The following KRT85 variants were observed in gnomAD, a reference collection of about 807,000 sequenced individuals.
KRT85 encodes the protein keratin 85.
A neutral mutation model predicts 53.7 loss-of-function variants in KRT85; 39 were observed. The ratio of observed to expected loss-of-function variants is 0.73; its 90% CI spans 0.56 to 0.95. The LOEUF is 0.95. Ranked by LOEUF, KRT85 falls within the 40% of genes least tolerant of loss-of-function variation. The pLI is 0.00. For missense variants in KRT85, 668 were observed against 686.0 expected (o/e 0.97, Z 0.29); for synonymous variants, 291 against 277.5 (o/e 1.05, Z -0.48).
At chr12:52,364,273 C>A (rs1455831633) in intron 3 of KRT85, 33 bp downstream of exon 3, 1 of 1,613,850 alleles carries the variant, frequency 6.2e-7, no homozygotes, top group Non-Finnish European at 8.5e-7. Flanking sequence ...ACTGATGGGC[C>A]CCCTCCTCCT....
chr12:52,360,709 G>T lies in KRT85; in HGVS notation c.*144C>A. The T allele has an allele frequency of 2.1e-6, 2 of 940,528 alleles. No homozygotes were observed. The highest frequency in any genetic ancestry group is 1.6e-5 in the African/African-American group (1 of 62,064). 58.3% of individuals were successfully genotyped at this position (940,528 alleles called of 1,614,324 possible). On this transcript the variant is annotated 3_prime_UTR_variant, in exon 9 of 9. Coordinates refer to ENST00000257901, the MANE Select transcript of KRT85 (RefSeq NM_002283.4). ...AAAAGGCGCAGGGGAGCGGCCCGAGGGTCTTTCCCTCTGTAGGTCTTTCCC... is the reference window on the plus strand; with the variant it reads ...AAAAGGCGCAGGGGAGCGGCCCGAGTGTCTTTCCCTCTGTAGGTCTTTCCC...
rs762002043 is a variant in KRT85, at chr12:52,362,421, C to T, written c.1128G>A (p.Ala376=). The T allele has an allele frequency of 2.9e-5, 47 of 1,614,006 alleles. No individual in the cohort carries two copies. The Middle Eastern group carries it at 4.9e-4, about 17-fold the overall frequency. The change falls in exon 7 of 9, where the codon GCG becomes GCA. Residue 376 remains alanine, a synonymous_variant. Coordinates refer to ENST00000257901, the MANE Select transcript of KRT85 (RefSeq NM_002283.4). ...GCTTGCAGCGGGCATCGCTGAGGGC[C>T]GCCTCACCCTGCTGCTCTGCCTCAG... The part of the protein sequence containing the change: ...AVAEAEQQGE[A]ALSDARCKLA...
chr12:52,366,699 C>T (rs1207564379), intron 1 of KRT85, among the ~76,000 whole-genome samples: 5 of 152,052 alleles, frequency 3.3e-5, no homozygotes, highest in Admixed American at 3.3e-4. Context: ...ATACACACCA[C>T]ACACTAACAT....
intron 6 of KRT85, 64 bp downstream of exon 6, chr12:52,362,790 C>G (rs149458468): frequency 6.2e-7 from 1 of 1,613,442 alleles, no homozygotes; most frequent in Non-Finnish European, 8.5e-7. Flanking sequence ...CACTGTGAAG[C>G]CTGATTAGGG....
intron 7 of KRT85, 60 bp downstream of exon 7, chr12:52,362,191 T>A: frequency 1.2e-6 from 2 of 1,611,742 alleles, no homozygotes; most frequent in South Asian, 2.2e-5. Context: ...TCAAGGAAAT[T>A]CACTCCTGGA....
chr12:52,364,464 A>G (rs751054871), intron 2 of KRT85, 98 bp from the exon 3 acceptor site: 3 of 1,605,398 alleles, frequency 1.9e-6, no homozygotes, highest in South Asian at 2.2e-5. Flanking sequence ...AAAGGGATTA[A>G]TCCCCTCCAG....
chr12:52,363,018 G>GC lies in KRT85; in HGVS notation c.952-40dup, dbSNP rs769277149. ...AGATGCTCATGAGGCTCAGGGTGGG[G>GC]CCCCCCATCCATTCAGGACACCACA... is the stretch of plus-strand genomic sequence containing the variant. On this transcript the variant is annotated intron_variant, in intron 5 of 8. Transcript: ENST00000257901. The GC allele has an allele frequency of 6.8e-6, 11 of 1,613,890 alleles. No homozygotes were observed. In the South Asian group the frequency reaches 7.7e-5, roughly 11 times the overall value.
At chr12:52,364,917 T>C in intron 2 of KRT85, 45 bp downstream of exon 2, 1 of 1,611,980 alleles carries the variant, frequency 6.2e-7, no homozygotes, top group Non-Finnish European at 8.5e-7. Context: ...CCTCCCAGCA[T>C]TCTCTCTGAG....
rs201510373 is a variant in KRT85 at position 52,363,328 on chromosome 12, C to T, written c.869G>A (p.Cys290Tyr). The T allele has an allele frequency of 2.5e-6, 4 of 1,614,178 alleles. No individual in the cohort carries two copies. In the East Asian group the frequency reaches 6.7e-5, roughly 27 times the overall value. The change falls in exon 5 of 9, where the codon TGC (cysteine) becomes TAC (tyrosine). Residue 290 changes from cysteine (C) to tyrosine (Y), a missense_variant. Physicochemically the swap from Cys to Tyr is radical, Grantham distance 194. Around this residue, in one of 3 missense-constraint regions of KRT85, gnomAD observed 488 missense variants for 498.1 expected, o/e 0.98. Coordinates refer to ENST00000257901, the MANE Select transcript of KRT85 (RefSeq NM_002283.4). ...CTGAGCCTTGATCTCAGCGATGATGCAGTCCATGTTCAGGTCTCGGCTGTT... is the reference window on the plus strand; with the variant it reads ...CTGAGCCTTGATCTCAGCGATGATGTAGTCCATGTTCAGGTCTCGGCTGTT... ...MDNSRDLNMD[C>Y]IIAEIKAQYD...
chr12:52,364,201 G>A (rs370874936), intron 3 of KRT85, 38 bp from the exon 4 acceptor site: 32 of 1,612,806 alleles, frequency 2.0e-5, no homozygotes, highest in Non-Finnish European at 2.7e-5. Context: ...ATGCATGTGA[G>A]AGGAGACCAA....
chr12:52,367,103 G>A lies in KRT85; in HGVS notation c.303C>T (p.Asn101=), dbSNP rs745392926. ...GGTTGAGGGGCGTGAGGAGGCTCTC[G>A]TTGACCGACACGGTAGTGATGCATG... The part of the protein sequence containing the change: ...SPPCITTVSV[N]ESLLTPLNLE... Residue 101 remains asparagine, a synonymous_variant, in exon 1 of 9, where the codon AAC becomes AAT. Coordinates refer to ENST00000257901, the MANE Select transcript of KRT85 (RefSeq NM_002283.4). 1.2e-6 allele frequency: 2 copies of A among 1,613,220 alleles called. No homozygotes were observed. Among genetic ancestry groups the A allele is most frequent in the Non-Finnish European group, 1.7e-6 (2 of 1,179,962 alleles).
In KRT85 at chr12:52,367,259, C is replaced by T. The variant is rs1732275; in HGVS notation, c.147G>A (p.Thr49=). The change falls in exon 1 of 9, where the codon ACG becomes ACA. Residue 49 remains threonine (T), a synonymous_variant. Coordinates refer to ENST00000257901, the MANE Select transcript of KRT85 (RefSeq NM_002283.4). The part of the protein sequence containing the change: ...YRGVSCYRGL[T]GFGSRSLCNL... ...TGCAGAGGCTGCGGCTGCCGAAGCC[C>T]GTCAGCCCTCGGTAGCAGGACACCC... 6,280 of 1,612,094 alleles carry T rather than the reference C, an allele frequency of 3.9e-3. 188 individuals carry two copies. The African/African-American group carries it at 0.072, about 18-fold the overall frequency.
intron 8 of KRT85, 68 bp downstream of exon 8, chr12:52,361,399 A>G: frequency 7.2e-7 from 1 of 1,392,930 alleles, no homozygotes; most frequent in South Asian, 1.2e-5. Context: ...TCCATGGGTT[A>G]GGCCAATGAG....
intron 1 of KRT85, 56 bp from the exon 2 acceptor site, chr12:52,365,226 C>T (rs1939255577): frequency 1.3e-6 from 2 of 1,565,912 alleles, no homozygotes; most frequent in Non-Finnish European, 1.8e-6. Context: ...GGCACCTGGT[C>T]CCCCACAGTC....
At position 52,360,690 on chromosome 12, in the gene KRT85, C is replaced by G; in HGVS notation, c.*163G>C. The G allele has an allele frequency of 2.7e-6, 2 of 752,988 alleles. No individual in the cohort carries two copies. 46.6% of individuals were successfully genotyped at this position (752,988 alleles called of 1,614,324 possible). ...GATGCATCTCCCTAGCATGAAAAGG[C>G]GCAGGGGAGCGGCCCGAGGGTCTTT... On this transcript the variant is annotated 3_prime_UTR_variant, in exon 9 of 9. Coordinates refer to ENST00000257901, the MANE Select transcript of KRT85 (RefSeq NM_002283.4).
chr12:52,365,930 C>T (rs1453369476), intron 1 of KRT85, among the ~76,000 whole-genome samples: 2 of 152,210 alleles, frequency 1.3e-5, no homozygotes, highest in Non-Finnish European at 2.9e-5. Flanking sequence ...CCCACTCCAA[C>T]CCGTCACTGT....
chr12:52,365,258 T>A (rs1226162861), intron 1 of KRT85, 88 bp from the exon 2 acceptor site: 38 of 1,375,696 alleles, frequency 2.8e-5, no homozygotes, highest in Non-Finnish European at 3.7e-5. Context: ...GGGTGCTGGC[T>A]GAATGGGCTG....
Position 52,365,153 on chromosome 12 carries a change from C to T in KRT85, c.438G>A (p.Gln146=), listed in dbSNP as rs1283808779. The T allele has an allele frequency of 1.2e-6, 2 of 1,614,240 alleles. No homozygotes were observed. The highest frequency in any genetic ancestry group is 1.7e-6 in the Non-Finnish European group (2 of 1,180,052). ...AFIDKVRFLE[Q]QNKLLETKWQ... is the part of the protein sequence containing the mutation. ...ACTTGGTCTCCAGCAGCTTGTTCTG[C>T]TGCTCCAGGAAGCGCACCTGCCATT... is the stretch of plus-strand genomic sequence containing the variant. The change falls in exon 2 of 9, where the codon CAG becomes CAA. Residue 146 remains glutamine (Q), a synonymous_variant. Coordinates refer to ENST00000257901, the MANE Select transcript of KRT85 (RefSeq NM_002283.4).
chr12:52,361,040 C>T lies in KRT85; in HGVS notation c.1337G>A (p.Ser446Asn). Residue 446 changes from serine (S) to asparagine (N), a missense_variant, in exon 9 of 9, where the codon AGC (serine) becomes AAC (asparagine). By Grantham distance (46) the Ser-to-Asn change is conservative (BLOSUM62 1). Around this residue, in one of 3 missense-constraint regions of KRT85, gnomAD observed 488 missense variants for 498.1 expected, o/e 0.98. Coordinates refer to ENST00000257901, the MANE Select transcript of KRT85 (RefSeq NM_002283.4). ...ACAGGAGACTCCACCACGGGAGCTGCTGACACCTGTGGAGAGAGGAGACAT... is the reference window on the plus strand; with the variant it reads ...ACAGGAGACTCCACCACGGGAGCTGTTGACACCTGTGGAGAGAGGAGACAT... ...EGVGSVNVCV[S>N]SSRGGVSCGG... 1 of 1,611,738 alleles carries T rather than the reference C, an allele frequency of 6.2e-7. No homozygotes were observed. Among genetic ancestry groups the T allele is most frequent in the Non-Finnish European group, 8.5e-7 (1 of 1,178,840 alleles).
Sources: allele counts gnomAD v4.1 joint callset (sites outside exome capture counted in the v4.1 genomes callset), GRCh38; gene constraint gnomAD v4.1.1; regional missense constraint gnomAD v4.1.1; transcripts MANE v1.5; gene names NCBI Gene and HGNC (gene_info 2026-07-23, HGNC 2026-07-21).